ZC3H12B: variants seen among roughly 807,000 people sequenced by gnomAD.
ZC3H12B encodes zinc finger CCCH-type containing 12B.
A neutral mutation model predicts 43.9 loss-of-function variants in ZC3H12B; 7 were observed. The observed-to-expected ratio is 0.16, with a 90% confidence interval of 0.09 to 0.30. The LOEUF is 0.30. Among genes scored for constraint, ZC3H12B ranks in the 10% least tolerant of loss-of-function variants. The pLI is 1.00. For synonymous variants in ZC3H12B, 222 were observed against 241.7 expected (o/e 0.92, Z 0.76); for missense variants, 475 against 670.2 (o/e 0.71, Z 3.22).
At chrX:65,375,136 G>T (rs1012886078) in intron 2 of ZC3H12B, among the ~76,000 whole-genome samples, 1 of 111,538 alleles carries the variant, frequency 9.0e-6, no homozygotes, top group Non-Finnish European at 1.9e-5. Flanking sequence ...AGGGTACAGC[G>T]GTTGTGAAAC....
intron 2 of ZC3H12B, among the ~76,000 whole-genome samples, chrX:65,394,008 G>A (rs1262985144): frequency 8.9e-6 from 1 of 112,242 alleles, no homozygotes; most frequent in East Asian, 2.8e-4. Context: ...CTTTTGAGAA[G>A]TGTCTGTTCA....
the ZC3H12B span, among the ~76,000 whole-genome samples, chrX:65,124,814 G>C: frequency 1.8e-5 from 2 of 110,544 alleles, no homozygotes; most frequent in African/African-American, 6.6e-5. Context: ...TTATATTTCT[G>C]TTGTATCAGT....
the ZC3H12B span, among the ~76,000 whole-genome samples, chrX:65,056,888 A>T: frequency 9.9e-5 from 11 of 111,480 alleles, no homozygotes; most frequent in African/African-American, 3.3e-4. Context: ...AGTCTGTTTT[A>T]TCAGAGACTA....
At chrX:65,176,234 G>T in the ZC3H12B span, among the ~76,000 whole-genome samples, 1 of 111,494 alleles carries the variant, frequency 9.0e-6, no homozygotes, top group Non-Finnish European at 1.9e-5. Context: ...TGAGGCTTGA[G>T]TAGGCAGTTT....
the ZC3H12B span, among the ~76,000 whole-genome samples, chrX:65,143,293 T>C: frequency 9.0e-6 from 1 of 110,938 alleles, no homozygotes; most frequent in African/African-American, 3.3e-5. Context: ...GGGGGTTGAG[T>C]TCTTTTCCCC....
chrX:65,277,489 T>A, the ZC3H12B span, among the ~76,000 whole-genome samples: 15 of 111,621 alleles, frequency 1.3e-4, no homozygotes, highest in Non-Finnish European at 2.5e-4. Flanking sequence ...TCAAAAAAAA[T>A]TTAAAAAATC....
the ZC3H12B span, among the ~76,000 whole-genome samples, chrX:65,131,539 C>T: frequency 4.5e-5 from 5 of 110,861 alleles, no homozygotes; most frequent in East Asian, 1.4e-3. Context: ...GCTTCTAGGG[C>T]CGTTTTTACA....
chrX:65,075,704 T>C, the ZC3H12B span, among the ~76,000 whole-genome samples: 1 of 111,902 alleles, frequency 8.9e-6, no homozygotes, highest in Non-Finnish European at 1.9e-5. Flanking sequence ...ACTTTTGCCC[T>C]TGTTCTCAGT....
chrX:65,502,434 C>G, exon 5 of ZC3H12B: 1 of 1,211,177 alleles, frequency 8.3e-7, no homozygotes. Context: ...GCCCGGAATC[C>G]TAACCTCTGT....
At chrX:65,504,989 G>A (rs1282135433) in exon 5 of ZC3H12B, 2 of 112,769 alleles carry the variant, frequency 1.8e-5, no homozygotes, top group Non-Finnish European at 3.7e-5. Context: ...TGAGTTATTA[G>A]AAGGCAGGAC....
chrX:65,073,334 G>T, the ZC3H12B span, among the ~76,000 whole-genome samples: 1 of 112,255 alleles, frequency 8.9e-6, no homozygotes, highest in African/African-American at 3.2e-5. Flanking sequence ...GGGACAGGTT[G>T]TTATGTGTCT....
At chrX:65,349,564 A>T in the ZC3H12B span, among the ~76,000 whole-genome samples, 1 of 111,829 alleles carries the variant, frequency 8.9e-6, no homozygotes, top group Non-Finnish European at 1.9e-5. Context: ...CAAAAAATCA[A>T]TGAATCCAGG....
chrX:65,151,565 C>A, the ZC3H12B span, among the ~76,000 whole-genome samples: 1 of 111,781 alleles, frequency 8.9e-6, no homozygotes, highest in South Asian at 3.7e-4. Flanking sequence ...TCTAGCAATT[C>A]CCCTAATCTT....
chrX:65,069,167 T>A, the ZC3H12B span, among the ~76,000 whole-genome samples: 1 of 109,186 alleles, frequency 9.2e-6, no homozygotes, highest in African/African-American at 3.3e-5. Flanking sequence ...AATATCTTTT[T>A]TTTAGGTTTG....
chrX:65,375,572 G>A (rs2066335378), intron 2 of ZC3H12B, among the ~76,000 whole-genome samples: 1 of 111,909 alleles, frequency 8.9e-6, no homozygotes. Context: ...AGAGTAAAGA[G>A]GACTTTGTCT....
chrX:65,229,190 A>G, the ZC3H12B span, among the ~76,000 whole-genome samples: 1 of 111,161 alleles, frequency 9.0e-6, no homozygotes, highest in Non-Finnish European at 1.9e-5. Context: ...ACAGAGATAT[A>G]GATCAATGGA....
the ZC3H12B span, among the ~76,000 whole-genome samples, chrX:65,231,931 T>G: frequency 9.0e-6 from 1 of 111,315 alleles, no homozygotes; most frequent in Non-Finnish European, 1.9e-5. Flanking sequence ...TTGATGTGAT[T>G]AAGAGATTAA....
At chrX:65,347,030 G>A in the ZC3H12B span, among the ~76,000 whole-genome samples, 6 of 112,152 alleles carry the variant, frequency 5.3e-5, no homozygotes, top group East Asian at 5.6e-4. Context: ...ACTAGGGGCC[G>A]ACAGACACAT....
chrX:65,394,216 T>G (rs1234915709), intron 2 of ZC3H12B, among the ~76,000 whole-genome samples: 1 of 112,424 alleles, frequency 8.9e-6, no homozygotes, highest in African/African-American at 3.2e-5. Context: ...TAGATCCCAT[T>G]TGACAATTTT....
Sources: gnomAD v4.1 joint callset for allele counts (sites outside exome capture counted in the v4.1 genomes callset) on GRCh38, gnomAD v4.1.1 for gene constraint, MANE v1.5 for transcripts, NCBI Gene and HGNC (gene_info 2026-07-23, HGNC 2026-07-21) for gene names.